The following ANKRD16 variants were observed in gnomAD, a reference collection of about 807,000 sequenced individuals.
The protein encoded by ANKRD16 is ankyrin repeat domain-containing protein 16.
A neutral mutation model predicts 37.9 loss-of-function variants in ANKRD16; 35 were observed. The observed-to-expected ratio is 0.92, with a 90% CI of 0.71 to 1.23. The LOEUF (loss-of-function observed/expected upper bound fraction) is 1.23. Ranked by LOEUF, ANKRD16 falls within the 50% of genes most tolerant of loss-of-function variation. ANKRD16 has a pLI of 0.00. For synonymous variants in ANKRD16, 206 were observed against 197.2 expected, an observed-to-expected ratio of 1.04 and a Z score of -0.37; for missense variants, 480 against 469.9, an observed-to-expected ratio of 1.02 and a Z score of -0.20.
intron 5 of ANKRD16, among the ~76,000 whole-genome samples, chr10:5,881,879 G>A (rs1416881284): frequency 1.3e-5 from 2 of 151,692 alleles, no homozygotes; most frequent in South Asian, 2.1e-4. Flanking sequence ...AGTAGAGACG[G>A]GGTTTCACCG....
At position 5,874,909 on chromosome 10, in the gene ANKRD16, AGAG is replaced by A. The variant is rs1256789519; in HGVS notation, c.*33+3185_*33+3187del. 6.6e-6 allele frequency among the ~76,000 whole-genome samples: 1 copy of A among 152,210 alleles called. No homozygotes were observed. The highest frequency in any genetic ancestry group is 2.4e-5 in the African/African-American group (1 of 41,456). On this transcript the variant is annotated intron_variant, in intron 7 of 7. Coordinates refer to ENST00000380094, the MANE Select transcript of ANKRD16 (RefSeq NM_019046.3). The surrounding 1 kb of genome is among the most constrained non-coding windows in gnomAD (Gnocchi z 4.7). ...CAGCCTGACAGAGGAGTGCAGAGGC[AGAG>A]AAGGAAAAGGCAGAAAGAAAAACCC...
In ANKRD16 at chr10:5,862,137, T is replaced by C. The variant is rs1461365306; in HGVS notation, c.*588A>G. ...CCAGGATGGTCTCGATCTCCTGACCTCATGATCCTCCCGCCTCGGCCTCCC... is the reference window on the plus strand; with the variant it reads ...CCAGGATGGTCTCGATCTCCTGACCCCATGATCCTCCCGCCTCGGCCTCCC... On this transcript the variant is annotated 3_prime_UTR_variant, in exon 8 of 8. Coordinates refer to ENST00000380094, the MANE Select transcript of ANKRD16 (RefSeq NM_019046.3). The surrounding 1 kb of genome is among the most constrained non-coding windows in gnomAD (Gnocchi z 6.5). The C allele has an allele frequency of 4.7e-6, 1 of 212,798 alleles. No homozygotes were observed. The highest frequency in any genetic ancestry group is 9.7e-6 in the Non-Finnish European group (1 of 103,348). 13.2% of individuals were successfully genotyped at this position (212,798 alleles called of 1,614,324 possible). A position where few individuals can be genotyped will look rare whatever the true frequency, so the allele number is the denominator to read the frequency against.
At position 5,871,641 on chromosome 10, in the gene ANKRD16, T is replaced by C. The variant is rs1306200880; in HGVS notation, c.*33+6456A>G. 1.3e-5 allele frequency among the ~76,000 whole-genome samples: 2 copies of C among 151,948 alleles called. No individual in the cohort carries two copies. The highest frequency in any genetic ancestry group is 2.9e-5 in the Non-Finnish European group (2 of 68,018). On this transcript the variant is annotated intron_variant, in intron 7 of 7. Transcript: ENST00000380094. This position sits in a 1 kb window ranked among gnomAD's most constrained non-coding sequence, Gnocchi z 4.5. The stretch of plus-strand genomic sequence containing the variant: ...CTTCTTGCCCTTCTTCTTTCCTTCA[T>C]GCCTCTGAGAAGGAAACTCTCCTTC...
At chr10:5,876,509 G>A (rs1213376760) in intron 7 of ANKRD16, among the ~76,000 whole-genome samples, 1 of 152,146 alleles carries the variant, frequency 6.6e-6, no homozygotes, top group Non-Finnish European at 1.5e-5. Context: ...AGACCTAGAG[G>A]GCATTGACGC....
At chr10:5,881,052 G>T in intron 5 of ANKRD16, 1 of 403,284 alleles carries the variant, frequency 2.5e-6, no homozygotes, top group Non-Finnish European at 3.3e-6. Flanking sequence ...TCCTGTCTCA[G>T]CCTCCCAAAG....
chr10:5,883,931 G>GC (rs776505755), intron 4 of ANKRD16, 38 bp downstream of exon 4: 9 of 1,584,886 alleles, frequency 5.7e-6, no homozygotes. Context: ...AAATTTATAG[G>GC]AAGAACCAAA....
intron 7 of ANKRD16, among the ~76,000 whole-genome samples, chr10:5,872,707 C>T (rs1182768463): frequency 1.3e-5 from 2 of 151,562 alleles, no homozygotes; most frequent in Non-Finnish European, 2.9e-5. Context: ...CAGGCGCCCG[C>T]CACCACACCC....
intron 4 of ANKRD16, 116 bp downstream of exon 4, chr10:5,883,853 G>A (rs1842363525): frequency 1.2e-6 from 1 of 817,936 alleles, no homozygotes. Context: ...CAGAGAGAGA[G>A]TTTGGAGGGG....
intron 5 of ANKRD16, 113 bp downstream of exon 5, chr10:5,882,892 TG>T: frequency 8.8e-7 from 1 of 1,142,476 alleles, no homozygotes; most frequent in Non-Finnish European, 1.2e-6. Flanking sequence ...AAGAATATCA[TG>T]GGCAATTTCT....
At position 5,887,831 on chromosome 10, in the gene ANKRD16, G is replaced by C. The variant is rs1193282594; in HGVS notation, c.535+16C>G. On this transcript the variant is annotated intron_variant, in intron 2 of 7. Coordinates refer to ENST00000380094, the MANE Select transcript of ANKRD16 (RefSeq NM_019046.3). ...CACATGTGTGTACTGCTCACCTGCA[G>C]AGCTGTAGGCTGTACCTGCAGTATG... 6 of 1,609,668 alleles carry C rather than the reference G, an allele frequency of 3.7e-6. 1 individual carries two copies. The South Asian group carries it at 6.6e-5, about 18-fold the overall frequency.
intron 2 of ANKRD16, among the ~76,000 whole-genome samples, chr10:5,886,704 T>C (rs1001291856): frequency 4.6e-5 from 7 of 152,248 alleles, no homozygotes; most frequent in African/African-American, 1.7e-4. Context: ...CTACAAGTTA[T>C]ATTCTGAATT....
chr10:5,882,494 A>G lies in ANKRD16; in HGVS notation c.849+512T>C, dbSNP rs1267161092. Among the ~76,000 whole-genome samples the G allele has an allele frequency of 4.6e-5, 7 of 152,136 alleles. No individual in the cohort carries two copies. In the East Asian group the frequency reaches 9.6e-4, roughly 21 times the overall value. On this transcript the variant is annotated intron_variant, in intron 5 of 7. Coordinates refer to ENST00000380094, the MANE Select transcript of ANKRD16 (RefSeq NM_019046.3). ...AAACAAACAAACAAACCAAAAAAAA[A>G]AAACAAAAAATAAGTAAAAGCATAA...
Position 5,887,945 on chromosome 10 carries a change from C to G in ANKRD16, c.437G>C (p.Arg146Pro). 6.2e-7 allele frequency: 1 copy of G among 1,614,186 alleles called. No individual in the cohort carries two copies. The highest frequency in any genetic ancestry group is 8.5e-7 in the Non-Finnish European group (1 of 1,180,032). Residue 146 changes from arginine to proline, a missense_variant, in exon 2 of 8, where the codon CGA becomes CCA. Arg to Pro is a moderately radical substitution (Grantham distance 103). Transcript: ENST00000380094. ...CTGGAGGATCAGAGGGTCGCCTTCT[C>G]GACTGGCAATGTGGAAACTGTTCCA... ...DGWNSFHIAS[R>P]EGDPLILQYL...
chr10:5,873,616 GA>G (rs1842138022), intron 7 of ANKRD16, among the ~76,000 whole-genome samples: 1 of 152,102 alleles, frequency 6.6e-6, no homozygotes, highest in South Asian at 2.1e-4. Flanking sequence ...GATTAAAAGG[GA>G]CATTTTTCTG....
rs535108784 is a variant in ANKRD16, at chr10:5,864,252, A to G, written c.*34-1561T>C. Among the ~76,000 whole-genome samples the G allele has an allele frequency of 1.8e-4, 28 of 152,106 alleles. No individual in the cohort carries two copies. Among genetic ancestry groups the G allele is most frequent in the Non-Finnish European group, 3.5e-4 (24 of 68,010 alleles). ...TACCCCCAGATCCTAGCCTCCCTAT[A>G]GCCCCTTCCTATTAATGATAAGCCT... On this transcript the variant is annotated intron_variant, in intron 7 of 7. Transcript: ENST00000380094. This position sits in a 1 kb window ranked among gnomAD's most constrained non-coding sequence, Gnocchi z 4.4.
At position 5,863,538 on chromosome 10, in the gene ANKRD16, C is replaced by T. The variant is rs1289859014; in HGVS notation, c.*34-847G>A. On this transcript the variant is annotated intron_variant, in intron 7 of 7. Transcript: ENST00000380094. This position sits in a 1 kb window ranked among gnomAD's most constrained non-coding sequence, Gnocchi z 4.7. ...ACCAATCAGCACTCTGTAAAATGGA[C>T]CAATCAGCAGGACGTGGGCGGGGAC... is the stretch of plus-strand genomic sequence containing the variant. Among the ~76,000 whole-genome samples the T allele has an allele frequency of 6.6e-6, 1 of 152,090 alleles. No individual in the cohort carries two copies. The highest frequency in any genetic ancestry group is 2.4e-5 in the African/African-American group (1 of 41,398).
Position 5,863,893 on chromosome 10 carries a change from T to C in ANKRD16, c.*34-1202A>G, listed in dbSNP as rs116215022. Among the ~76,000 whole-genome samples the C allele has an allele frequency of 0.026, 3,991 of 152,148 alleles. 178 individuals are homozygous for C. The highest frequency in any genetic ancestry group is 0.09 in the African/African-American group (3,743 of 41,462). On this transcript the variant is annotated intron_variant, in intron 7 of 7. Transcript: ENST00000380094. The surrounding 1 kb of genome is among the most constrained non-coding windows in gnomAD (Gnocchi z 4.7). The stretch of plus-strand genomic sequence containing the variant: ...CGCACCAGAAGGAATAAAGTCCGGA[T>C]ACATTTTGGCGACCCAGATGGGAAA...
chr10:5,877,759 A>G (rs1023475487), intron 7 of ANKRD16, among the ~76,000 whole-genome samples: 1 of 151,874 alleles, frequency 6.6e-6, no homozygotes, highest in Admixed American at 6.5e-5. Flanking sequence ...TTACTATAAG[A>G]TATTTCATAT....
chr10:5,872,845 C>T (rs1008931463), intron 7 of ANKRD16, among the ~76,000 whole-genome samples: 74 of 151,552 alleles, frequency 4.9e-4, no homozygotes, highest in African/African-American at 9.0e-4. Flanking sequence ...CGTGAGCCAC[C>T]GCGCCCGGCC....
Sources: gnomAD v4.1 joint callset for allele counts (sites outside exome capture counted in the v4.1 genomes callset) on GRCh38, gnomAD v4.1.1 for gene constraint, Gnocchi (gnomAD v3.1) non-coding constraint, MANE v1.5 for transcripts, NCBI Gene and HGNC (gene_info 2026-07-23, HGNC 2026-07-21) for gene names.